PSMB2: variants seen among roughly 807,000 people sequenced by gnomAD.
PSMB2 encodes the protein proteasome subunit beta type-2.
PSMB2 carries 13 observed loss-of-function variants against 25.7 expected under a neutral mutation model. The observed-to-expected ratio is 0.51, with a 90% confidence interval of 0.33 to 0.80. The LOEUF is 0.80. PSMB2 is among the 30% of genes least tolerant of loss of function. The pLI, the probability that PSMB2 is intolerant of heterozygous loss-of-function variation, is 0.02. For synonymous variants in PSMB2, 87 were observed against 96.2 expected, an observed-to-expected ratio of 0.90 and a Z score of 0.56; for missense variants, 202 against 259.0, an observed-to-expected ratio of 0.78 and a Z score of 1.51.
At chr1:35,636,985 C>T (rs980751861) in intron 1 of PSMB2, among the ~76,000 whole-genome samples, 2 of 152,218 alleles carry the variant, frequency 1.3e-5, no homozygotes, top group East Asian at 3.9e-4. Flanking sequence ...ATGCCAATTT[C>T]GGTTGGAGAA....
At position 35,628,595 on chromosome 1, in the gene PSMB2, AAATATATATATATATATATAT is replaced by A. The variant is rs1331889310; in HGVS notation, c.285+2658_285+2678del. Among the ~76,000 whole-genome samples the A allele has an allele frequency of 5.1e-3, 61 of 12,068 alleles. 1 individual carries two copies. The highest frequency in any genetic ancestry group is 9.5e-3 in the South Asian group (2 of 210). 7.9% of individuals were successfully genotyped at this position (12,068 alleles called of 152,430 possible). A position where few individuals can be genotyped will look rare whatever the true frequency, so the allele number is the denominator to read the frequency against. On this transcript the variant is annotated intron_variant, in intron 3 of 5. Transcript: ENST00000373237. Reference sequence around the variant, plus strand: ...TCTTGGAAGAAAAAAAAAAAAAAAAAAATATATATATATATATATATATATATATATATATATTTTTTTTTT... The same window carrying A: ...TCTTGGAAGAAAAAAAAAAAAAAAAAATATATATATATATATTTTTTTTTT...
chr1:35,641,303 C>CT (rs1651389209), intron 1 of PSMB2, 39 bp downstream of exon 1: 1 of 1,613,042 alleles, frequency 6.2e-7, no homozygotes, highest in East Asian at 2.2e-5. Context: ...GCCGCTCCTA[C>CT]ACCCCAGGCC....
intron 3 of PSMB2, among the ~76,000 whole-genome samples, chr1:35,625,484 T>C (rs975574885): frequency 1.3e-5 from 2 of 152,020 alleles, no homozygotes; most frequent in African/African-American, 4.8e-5. Context: ...AGAAATAGGC[T>C]GGGCATGGTG....
intron 1 of PSMB2, among the ~76,000 whole-genome samples, chr1:35,637,994 C>A (rs905400132): frequency 1.3e-5 from 2 of 152,088 alleles, no homozygotes; most frequent in African/African-American, 4.8e-5. Context: ...TAACATGCCT[C>A]ACTTTTATAA....
chr1:35,605,455 G>A (rs1002541362), intron 4 of PSMB2, among the ~76,000 whole-genome samples, 173 bp from the exon 5 acceptor site: 1 of 152,154 alleles, frequency 6.6e-6, no homozygotes, highest in Non-Finnish European at 1.5e-5. Flanking sequence ...ACATGCAGCT[G>A]GGGGGGCCCC....
intron 3 of PSMB2, among the ~76,000 whole-genome samples, chr1:35,616,641 G>C (rs1299685808): frequency 6.6e-6 from 1 of 152,088 alleles, no homozygotes; most frequent in Non-Finnish European, 1.5e-5. Flanking sequence ...AAAACTATGT[G>C]GTAGTTCAAT....
rs933867097 is a variant in PSMB2, at chr1:35,599,622, C to T, written c.*3645G>A. On this transcript the variant is annotated 3_prime_UTR_variant, in exon 6 of 6. Transcript: ENST00000373237. ...AGGTTCGGAGAGGATTATGGAATGC[C>T]TAGCATGTCAAATCAAAGAATTGGG... The T allele has an allele frequency of 9.1e-6, 9 of 984,266 alleles. No individual in the cohort carries two copies. Among genetic ancestry groups the T allele is most frequent in the African/African-American group, 1.7e-5 (1 of 57,208 alleles). 61.0% of individuals were successfully genotyped at this position (984,266 alleles called of 1,614,324 possible).
intron 3 of PSMB2, among the ~76,000 whole-genome samples, chr1:35,628,942 G>A (rs1651000463): frequency 6.6e-6 from 1 of 152,046 alleles, no homozygotes; most frequent in African/African-American, 2.4e-5. Context: ...ATAAAAATAT[G>A]AATAGCATCA....
At chr1:35,609,933 T>C (rs1216410243) in intron 3 of PSMB2, among the ~76,000 whole-genome samples, 3 of 152,020 alleles carry the variant, frequency 2.0e-5, no homozygotes, top group African/African-American at 7.2e-5. Flanking sequence ...CGCACAAAAA[T>C]TTAAAATAAA....
intron 5 of PSMB2, among the ~76,000 whole-genome samples, chr1:35,603,790 C>A (rs1381309944): frequency 6.6e-6 from 1 of 152,066 alleles, no homozygotes; most frequent in Non-Finnish European, 1.5e-5. Flanking sequence ...TGGCTCAGGC[C>A]TGTAATTGGG....
chr1:35,608,298 G>A (rs1323640698), intron 4 of PSMB2, among the ~76,000 whole-genome samples: 10 of 151,882 alleles, frequency 6.6e-5, no homozygotes, highest in African/African-American at 2.4e-4. Context: ...CTGGGAGGCG[G>A]AGGTTGCTGT....
chr1:35,629,469 G>C (rs919714758), intron 3 of PSMB2, among the ~76,000 whole-genome samples: 1 of 152,198 alleles, frequency 6.6e-6, no homozygotes. Context: ...AATAAGTAAG[G>C]AGGAACAATG....
intron 3 of PSMB2, among the ~76,000 whole-genome samples, chr1:35,622,571 A>C (rs2148570849): frequency 6.6e-6 from 1 of 152,290 alleles, no homozygotes; most frequent in Non-Finnish European, 1.5e-5. Context: ...CTTTAAGTGA[A>C]AAGTTGGCAT....
chr1:35,613,557 A>G (rs1474600748), intron 3 of PSMB2, among the ~76,000 whole-genome samples: 6 of 152,184 alleles, frequency 3.9e-5, no homozygotes, highest in Admixed American at 1.3e-4. Flanking sequence ...TGAGAAAGCA[A>G]TAAGTGCTAC....
At chr1:35,629,735 G>A (rs919603042) in intron 3 of PSMB2, among the ~76,000 whole-genome samples, 5 of 151,032 alleles carry the variant, frequency 3.3e-5, no homozygotes, top group African/African-American at 7.3e-5. Flanking sequence ...ACCTGAACCC[G>A]GGAAGTTGAG....
chr1:35,609,873 G>GT (rs1401601876), intron 3 of PSMB2, among the ~76,000 whole-genome samples: 1 of 152,112 alleles, frequency 6.6e-6, no homozygotes, highest in Non-Finnish European at 1.5e-5. Context: ...TTGTATGCCT[G>GT]TATCAAAATA....
intron 3 of PSMB2, among the ~76,000 whole-genome samples, chr1:35,623,228 C>A (rs1650747390): frequency 6.6e-6 from 1 of 152,192 alleles, no homozygotes; most frequent in East Asian, 1.9e-4. Context: ...TTTTGCAGAA[C>A]CAAACTGAGT....
Position 35,601,089 on chromosome 1 carries a change from CAG to C in PSMB2, c.*2176_*2177del. On this transcript the variant is annotated 3_prime_UTR_variant, in exon 6 of 6. Coordinates refer to ENST00000373237, the MANE Select transcript of PSMB2 (RefSeq NM_002794.5). ...TTTTTTTTTTTTTTTTTTTTTGAGA[CAG>C]AGTCTTGCTCTGTCAGCCAGGCTGG... 3 of 719,104 alleles carry C rather than the reference CAG, an allele frequency of 4.2e-6. No homozygotes were observed. The highest frequency in any genetic ancestry group is 4.8e-6 in the Non-Finnish European group (3 of 621,782). 44.5% of individuals were successfully genotyped at this position (719,104 alleles called of 1,614,324 possible). A position where few individuals can be genotyped will look rare whatever the true frequency, so the allele number is the denominator to read the frequency against.
chr1:35,636,200 T>G, intron 2 of PSMB2, 110 bp downstream of exon 2: 1 of 1,388,678 alleles, frequency 7.2e-7, no homozygotes, highest in Non-Finnish European at 9.9e-7. Flanking sequence ...TTCTAACATC[T>G]AGAACTGTGA....
Sources: allele counts gnomAD v4.1 joint callset (sites outside exome capture counted in the v4.1 genomes callset), GRCh38; gene constraint gnomAD v4.1.1; transcripts MANE v1.5; gene names NCBI Gene and HGNC (gene_info 2026-07-23, HGNC 2026-07-21).